CTNNA3: variants seen among roughly 807,000 people sequenced by gnomAD.
CTNNA3 encodes the protein catenin alpha 3.
CTNNA3 carries 76 observed loss-of-function variants against 95.7 expected under a neutral mutation model. That is an observed-to-expected ratio of 0.79 (90% CI 0.66 to 0.96). CTNNA3 has a LOEUF of 0.96. CTNNA3 is among the 40% of genes least tolerant of loss of function. The pLI is 0.00. For missense variants in CTNNA3, 1,191 were observed against 1,089.8 expected (o/e 1.09, Z -1.31); for synonymous variants, 431 against 374.4 (o/e 1.15, Z -1.74).
At chr10:67,672,677 A>C (rs962829843) in intron 1 of CTNNA3, among the ~76,000 whole-genome samples, 5 of 152,026 alleles carry the variant, frequency 3.3e-5, no homozygotes, top group African/African-American at 1.2e-4. Flanking sequence ...TGTAGATATG[A>C]GGCATTATTT....
In CTNNA3 at chr10:65,912,987, A is replaced by G. The variant is rs1344981830; in HGVS notation, c.*7343T>C. ...ATTCTGTCTCTGCAGAGCAGGGTGA[A>G]ATGAACAAGCAAGATAGTCAGAAAC... On this transcript the variant is annotated 3_prime_UTR_variant, in exon 18 of 18. Coordinates refer to ENST00000433211, the MANE Select transcript of CTNNA3 (RefSeq NM_013266.4). 3 of 152,146 alleles carry G rather than the reference A, an allele frequency of 2.0e-5. No homozygotes were observed. The highest frequency in any genetic ancestry group is 4.4e-5 in the Non-Finnish European group (3 of 68,026). The allele number at this position is 152,146 out of a possible 1,614,324, so 9.4% of individuals were successfully genotyped here.
rs562356724 is a variant in CTNNA3, at chr10:66,923,361, G to T, written c.1048-147837C>A. 3.9e-5 allele frequency among the ~76,000 whole-genome samples: 6 copies of T among 152,240 alleles called. No homozygotes were observed. In the South Asian group the frequency reaches 8.3e-4, roughly 21 times the overall value. On this transcript the variant is annotated intron_variant, in intron 7 of 17. Transcript: ENST00000433211. ...ATGAGCAAGAAGCACAAAGTTAATG[G>T]GTCCTCCAGCCTCCTGGAGTGGCTC...
intron 5 of CTNNA3, among the ~76,000 whole-genome samples, chr10:67,326,203 T>C (rs1364204133): frequency 6.6e-6 from 1 of 152,200 alleles, no homozygotes; most frequent in Non-Finnish European, 1.5e-5. Context: ...TGCCTTTTAA[T>C]TGGGGCATTT....
At chr10:67,463,320 T>C (rs183237309) in intron 5 of CTNNA3, among the ~76,000 whole-genome samples, 1 of 152,296 alleles carries the variant, frequency 6.6e-6, no homozygotes, top group Non-Finnish European at 1.5e-5. Flanking sequence ...ATGCTTCAGC[T>C]AAGTGGGAAC....
chr10:66,955,904 C>T (rs996247843), intron 7 of CTNNA3, among the ~76,000 whole-genome samples: 6 of 152,084 alleles, frequency 3.9e-5, no homozygotes, highest in South Asian at 2.1e-4. Context: ...TCTCTAGTGA[C>T]GCTACAACAT....
chr10:66,560,940 G>A (rs1842534437), intron 10 of CTNNA3, among the ~76,000 whole-genome samples: 1 of 151,968 alleles, frequency 6.6e-6, no homozygotes, highest in Non-Finnish European at 1.5e-5. Context: ...ACCCTCTTGA[G>A]ACATTGGATC....
chr10:67,479,565 C>T (rs1399660000), intron 5 of CTNNA3, among the ~76,000 whole-genome samples: 1 of 152,050 alleles, frequency 6.6e-6, no homozygotes, highest in South Asian at 2.1e-4. Flanking sequence ...AGAGACACAA[C>T]ATCCAAAATT....
chr10:67,049,677 G>T (rs1404215244), intron 7 of CTNNA3, among the ~76,000 whole-genome samples: 1 of 152,248 alleles, frequency 6.6e-6, no homozygotes, highest in South Asian at 2.1e-4. Context: ...ATTTTAGGAA[G>T]AAAACAGTCC....
rs12415520 is a variant in CTNNA3, at chr10:67,620,592, C to T, written c.100-13543G>A. On this transcript the variant is annotated intron_variant, in intron 2 of 17. Coordinates refer to ENST00000433211, the MANE Select transcript of CTNNA3 (RefSeq NM_013266.4). The stretch of plus-strand genomic sequence containing the variant: ...TTTATGAGGAAGGTCAGATCACTTA[C>T]GAAAGATAAACTAAAGTGTGCTGTG... 0.034 allele frequency among the ~76,000 whole-genome samples: 5,202 copies of T among 152,068 alleles called. 623 individuals are homozygous for T. In the East Asian group the frequency reaches 0.44, roughly 13 times the overall value.
At chr10:66,244,993 C>G (rs1000131114) in intron 13 of CTNNA3, among the ~76,000 whole-genome samples, 1 of 152,168 alleles carries the variant, frequency 6.6e-6, no homozygotes, top group African/African-American at 2.4e-5. Context: ...CCTGGTGGCG[C>G]CTTTGCCCAA....
chr10:67,262,615 C>T (rs1177162460), intron 5 of CTNNA3, among the ~76,000 whole-genome samples: 2 of 152,126 alleles, frequency 1.3e-5, no homozygotes, highest in African/African-American at 4.8e-5. Flanking sequence ...ACCGAAACCG[C>T]TTTAAACAGT....
At chr10:66,575,794 A>G (rs748612646) in intron 10 of CTNNA3, among the ~76,000 whole-genome samples, 3 of 152,148 alleles carry the variant, frequency 2.0e-5, no homozygotes, top group Admixed American at 6.6e-5. Context: ...GTACATGGTT[A>G]GATTTCTAAG....
At chr10:66,043,628 A>C (rs1479367594) in intron 15 of CTNNA3, among the ~76,000 whole-genome samples, 1 of 152,212 alleles carries the variant, frequency 6.6e-6, no homozygotes, top group Non-Finnish European at 1.5e-5. Context: ...CCATGGGCAA[A>C]TGTCCTGAAT....
chr10:67,433,194 A>T (rs1846173646), intron 5 of CTNNA3, among the ~76,000 whole-genome samples: 1 of 151,958 alleles, frequency 6.6e-6, no homozygotes, highest in South Asian at 2.1e-4. Flanking sequence ...AATTGACCTA[A>T]TTTCAATGAT....
At chr10:66,849,417 GT>G (rs1295883582) in intron 7 of CTNNA3, among the ~76,000 whole-genome samples, 6 of 152,122 alleles carry the variant, frequency 3.9e-5, no homozygotes, top group African/African-American at 1.4e-4. Flanking sequence ...TGAATAAGGT[GT>G]CAAAAATTTT....
At position 67,494,027 on chromosome 10, in the gene CTNNA3, A is replaced by G. The variant is rs1218991442; in HGVS notation, c.579+27815T>C. ...GAAGGTCCTCAGGGGACAGAAGAAA[A>G]TGGGATTCAGAATACAGGATTATTC... On this transcript the variant is annotated intron_variant, in intron 5 of 17. Transcript: ENST00000433211. 4.6e-5 allele frequency among the ~76,000 whole-genome samples: 7 copies of G among 152,304 alleles called. No individual in the cohort carries two copies. In the East Asian group the frequency reaches 1.4e-3, roughly 29 times the overall value.
chr10:67,586,996 T>C (rs1842647907), intron 3 of CTNNA3, among the ~76,000 whole-genome samples: 1 of 152,132 alleles, frequency 6.6e-6, no homozygotes, highest in African/African-American at 2.4e-5. Flanking sequence ...TTTTTCATGA[T>C]GGTAAATGTC....
Position 67,074,800 on chromosome 10 carries a change from GAACAT to G in CTNNA3, c.1047+105512_1047+105516del, listed in dbSNP as rs924871719. 1.2e-4 allele frequency among the ~76,000 whole-genome samples: 18 copies of G among 151,016 alleles called. No individual in the cohort carries two copies. In the South Asian group the frequency reaches 2.1e-3, roughly 18 times the overall value. On this transcript the variant is annotated intron_variant, in intron 7 of 17. Coordinates refer to ENST00000433211, the MANE Select transcript of CTNNA3 (RefSeq NM_013266.4). Reference sequence around the variant, plus strand: ...CCACAAAATACATTCTTAATATTATGAACATAACATAATTTATTTATGTATGTATG... The same window carrying G: ...CCACAAAATACATTCTTAATATTATGAACATAATTTATTTATGTATGTATG...
At chr10:66,688,689 C>T (rs185573568) in intron 9 of CTNNA3, among the ~76,000 whole-genome samples, 77 of 152,042 alleles carry the variant, frequency 5.1e-4, no homozygotes, top group Middle Eastern at 3.4e-3. Flanking sequence ...GAGCAGAGAC[C>T]GGCCGGGCGC....
Sources: allele counts gnomAD v4.1 joint callset (sites outside exome capture counted in the v4.1 genomes callset), GRCh38; gene constraint gnomAD v4.1.1; transcripts MANE v1.5; gene names NCBI Gene and HGNC (gene_info 2026-07-23, HGNC 2026-07-21).